Variants in SORCS1 observed in about 807,000 individuals in gnomAD.
The protein encoded by SORCS1 is sortilin related VPS10 domain containing receptor 1.
A neutral mutation model predicts 146.1 loss-of-function variants in SORCS1; 60 were observed. The ratio of observed to expected loss-of-function variants is 0.41; its 90% CI spans 0.33 to 0.51. The LOEUF is 0.51. Among genes scored for constraint, SORCS1 ranks in the 20% least tolerant of loss-of-function variants. The pLI is 0.21. For synonymous variants in SORCS1, 637 were observed against 584.0 expected (o/e 1.09, Z -1.31); for missense variants, 1,352 against 1,487.6 (o/e 0.91, Z 1.50).
chr10:106,841,497 C>T (rs1949038551), intron 2 of SORCS1, among the ~76,000 whole-genome samples: 1 of 148,590 alleles, frequency 6.7e-6, no homozygotes, highest in Non-Finnish European at 1.5e-5. Context: ...CACACACACA[C>T]ATTGTTTTTC....
In SORCS1 at chr10:106,764,681, G is replaced by C. The variant is rs555463719; in HGVS notation, c.886-3020C>G. Among the ~76,000 whole-genome samples the C allele has an allele frequency of 2.6e-5, 4 of 152,220 alleles. No homozygotes were observed. In the South Asian group the frequency reaches 6.2e-4, roughly 24 times the overall value. ...AGAGAATGAAAGAGTACTTAAACTA[G>C]TTTTAGGAGGGCACTATTCCTCTAC... is the stretch of plus-strand genomic sequence containing the variant. On this transcript the variant is annotated intron_variant, in intron 4 of 25. Coordinates refer to ENST00000263054, the MANE Select transcript of SORCS1 (RefSeq NM_052918.5).
At chr10:106,796,881 G>A (rs1326154934) in intron 3 of SORCS1, among the ~76,000 whole-genome samples, 3 of 152,158 alleles carry the variant, frequency 2.0e-5, no homozygotes, top group East Asian at 1.9e-4. Context: ...AGGCCAAGGC[G>A]GATGGATTAC....
chr10:106,598,508 C>T (rs553333000), intron 23 of SORCS1, among the ~76,000 whole-genome samples: 8 of 152,064 alleles, frequency 5.3e-5, no homozygotes, highest in Admixed American at 5.2e-4. Flanking sequence ...GATCAGCCCG[C>T]CTCAGCCTCC....
intron 1 of SORCS1, among the ~76,000 whole-genome samples, chr10:107,136,951 T>C (rs189625240): frequency 6.6e-6 from 1 of 152,268 alleles, no homozygotes; most frequent in East Asian, 1.9e-4. Context: ...CACTCTATCT[T>C]CTACAGATGT....
At chr10:107,106,593 G>GA (rs1286050606) in intron 1 of SORCS1, among the ~76,000 whole-genome samples, 1 of 152,034 alleles carries the variant, frequency 6.6e-6, no homozygotes, top group Non-Finnish European at 1.5e-5. Flanking sequence ...AATCACCAAG[G>GA]AAAAATCACA....
intron 1 of SORCS1, among the ~76,000 whole-genome samples, chr10:106,983,396 T>G (rs562413538): frequency 6.6e-6 from 1 of 152,096 alleles, no homozygotes; most frequent in African/African-American, 2.4e-5. Flanking sequence ...TACACTCTAG[T>G]ATTATTTTCT....
At chr10:106,790,568 C>A (rs1410957327) in intron 3 of SORCS1, among the ~76,000 whole-genome samples, 1 of 152,026 alleles carries the variant, frequency 6.6e-6, no homozygotes, top group Non-Finnish European at 1.5e-5. Context: ...TTATTTGATA[C>A]TTTTTTTTGA....
intron 1 of SORCS1, among the ~76,000 whole-genome samples, chr10:107,001,601 T>C (rs1322945282): frequency 6.6e-6 from 1 of 152,170 alleles, no homozygotes; most frequent in Non-Finnish European, 1.5e-5. Flanking sequence ...GTAGTTGGGA[T>C]TACAGGCACG....
At chr10:106,833,889 G>T (rs2137051967) in intron 2 of SORCS1, among the ~76,000 whole-genome samples, 1 of 152,290 alleles carries the variant, frequency 6.6e-6, no homozygotes, top group African/African-American at 2.4e-5. Flanking sequence ...CGCCTCCTGG[G>T]TTCACGCCAT....
chr10:106,599,691 A>G (rs1846121634), intron 23 of SORCS1, among the ~76,000 whole-genome samples: 1 of 152,176 alleles, frequency 6.6e-6, no homozygotes, highest in Non-Finnish European at 1.5e-5. Flanking sequence ...CATGGACTAA[A>G]GGGAACTACA....
intron 1 of SORCS1, among the ~76,000 whole-genome samples, chr10:107,088,416 G>C (rs963889638): frequency 4.6e-5 from 7 of 152,068 alleles, no homozygotes; most frequent in South Asian, 2.1e-4. Context: ...GGCAGGCCCT[G>C]GGGGGGACGG....
intron 2 of SORCS1, among the ~76,000 whole-genome samples, chr10:106,869,055 A>G (rs946896758): frequency 1.3e-4 from 20 of 152,344 alleles, no homozygotes; most frequent in Admixed American, 6.5e-5. Flanking sequence ...AGAAACTACT[A>G]TGAACACCTC....
At chr10:106,857,804 C>T (rs1476747706) in intron 2 of SORCS1, among the ~76,000 whole-genome samples, 1 of 152,204 alleles carries the variant, frequency 6.6e-6, no homozygotes, top group African/African-American at 2.4e-5. Flanking sequence ...CTGGATTCCA[C>T]TAGTCTACCC....
intron 1 of SORCS1, among the ~76,000 whole-genome samples, chr10:107,052,376 T>C (rs1960202262): frequency 6.6e-6 from 1 of 152,138 alleles, no homozygotes; most frequent in Non-Finnish European, 1.5e-5. Flanking sequence ...ACTCACTGCT[T>C]CTAAGAAAAG....
At chr10:106,802,248 A>G (rs1254617512) in intron 3 of SORCS1, among the ~76,000 whole-genome samples, 1 of 152,220 alleles carries the variant, frequency 6.6e-6, no homozygotes, top group African/African-American at 2.4e-5. Context: ...TGAGAGTGAT[A>G]AGGTGAGCCT....
chr10:107,103,439 A>G (rs190126925), intron 1 of SORCS1, among the ~76,000 whole-genome samples: 28 of 152,354 alleles, frequency 1.8e-4, no homozygotes, highest in African/African-American at 6.0e-4. Flanking sequence ...TGAAATTCAC[A>G]AAGCATGCCT....
At chr10:107,123,357 A>G (rs904159396) in intron 1 of SORCS1, among the ~76,000 whole-genome samples, 2 of 152,214 alleles carry the variant, frequency 1.3e-5, no homozygotes, top group African/African-American at 4.8e-5. Flanking sequence ...AGTAAAAGAA[A>G]CTAAAATGGA....
intron 3 of SORCS1, among the ~76,000 whole-genome samples, chr10:106,783,541 A>T (rs1170461679): frequency 6.6e-6 from 1 of 152,212 alleles, no homozygotes; most frequent in African/African-American, 2.4e-5. Flanking sequence ...GGCATTACAA[A>T]TATCTCATAA....
chr10:107,153,354 A>AT (rs1185346054), intron 1 of SORCS1, among the ~76,000 whole-genome samples: 5 of 152,184 alleles, frequency 3.3e-5, no homozygotes, highest in Non-Finnish European at 7.3e-5. Context: ...AAGAGCGCAC[A>AT]TATTTATTAT....
Sources: allele counts gnomAD v4.1 joint callset (sites outside exome capture counted in the v4.1 genomes callset), GRCh38; gene constraint gnomAD v4.1.1; transcripts MANE v1.5; gene names NCBI Gene and HGNC (gene_info 2026-07-23, HGNC 2026-07-21).